LSAMP: variants seen among roughly 807,000 people sequenced by gnomAD.
LSAMP encodes the protein limbic system-associated membrane protein.
LSAMP carries 7 observed loss-of-function variants against 38.6 expected under a neutral mutation model. That is an observed-to-expected ratio of 0.18 (90% CI 0.10 to 0.34). The LOEUF is 0.34. LSAMP is among the 10% of genes least tolerant of loss of function. LSAMP has a pLI of 1.00. For synonymous variants in LSAMP, 154 were observed against 166.8 expected (o/e 0.92, Z 0.59); for missense variants, 313 against 420.0 (o/e 0.75, Z 2.23).
At chr3:116,073,993 G>T (rs905602262) in intron 2 of LSAMP, among the ~76,000 whole-genome samples, 6 of 152,170 alleles carry the variant, frequency 3.9e-5, no homozygotes, top group African/African-American at 1.2e-4. Context: ...GAATGCCATA[G>T]CTCTCACCAC....
chr3:116,371,095 C>T (rs1224183483), intron 1 of LSAMP, among the ~76,000 whole-genome samples: 6 of 152,144 alleles, frequency 3.9e-5, no homozygotes, highest in Admixed American at 3.9e-4. Context: ...AGCCCAGTAA[C>T]TGATGGCTTC....
intron 2 of LSAMP, among the ~76,000 whole-genome samples, chr3:116,036,373 A>T (rs1273564922): frequency 6.6e-6 from 1 of 152,158 alleles, no homozygotes; most frequent in Non-Finnish European, 1.5e-5. Context: ...CTGACGAGTT[A>T]TAGCCTCCTG....
At chr3:116,225,085 A>G (rs529859359) in intron 1 of LSAMP, among the ~76,000 whole-genome samples, 1 of 152,326 alleles carries the variant, frequency 6.6e-6, no homozygotes, top group African/African-American at 2.4e-5. Context: ...AAATTTGAAT[A>G]TGGACAATGT....
chr3:116,043,158 A>T (rs1941212366), intron 2 of LSAMP, among the ~76,000 whole-genome samples: 1 of 152,196 alleles, frequency 6.6e-6, no homozygotes, highest in Non-Finnish European at 1.5e-5. Flanking sequence ...CTTAATTAAA[A>T]ATTGATGGTT....
intron 1 of LSAMP, among the ~76,000 whole-genome samples, chr3:116,252,934 G>A (rs1250538605): frequency 1.3e-5 from 2 of 152,292 alleles, no homozygotes; most frequent in Admixed American, 6.5e-5. Flanking sequence ...AACCTATTTG[G>A]TTTACAATAA....
intron 6 of LSAMP, among the ~76,000 whole-genome samples, chr3:115,822,198 T>C (rs1191973220): frequency 6.6e-6 from 1 of 152,182 alleles, no homozygotes; most frequent in Non-Finnish European, 1.5e-5. Flanking sequence ...AACCTCAATG[T>C]CAAATATTTC....
At chr3:116,250,002 G>T (rs1026212693) in intron 1 of LSAMP, among the ~76,000 whole-genome samples, 2 of 151,996 alleles carry the variant, frequency 1.3e-5, no homozygotes, top group Non-Finnish European at 2.9e-5. Context: ...ATTAACAAAG[G>T]TTCGTAGATC....
chr3:116,038,923 C>G (rs906827599), intron 2 of LSAMP, among the ~76,000 whole-genome samples: 3 of 152,150 alleles, frequency 2.0e-5, no homozygotes, highest in African/African-American at 7.2e-5. Context: ...CTTAAGGCAG[C>G]ATTAGAATAC....
intron 1 of LSAMP, among the ~76,000 whole-genome samples, chr3:116,087,569 C>A (rs1394649481): frequency 6.6e-6 from 1 of 152,176 alleles, no homozygotes; most frequent in African/African-American, 2.4e-5. Flanking sequence ...TTCACAGCTG[C>A]AAAGCCAGCT....
chr3:116,225,948 T>A (rs1242723718), intron 1 of LSAMP, among the ~76,000 whole-genome samples: 1 of 152,202 alleles, frequency 6.6e-6, no homozygotes, highest in Non-Finnish European at 1.5e-5. Context: ...CCTCTACACC[T>A]TGTATTGGCT....
intron 1 of LSAMP, among the ~76,000 whole-genome samples, chr3:116,358,008 ATC>A (rs1012386955): frequency 1.3e-5 from 2 of 152,010 alleles, no homozygotes; most frequent in Admixed American, 6.6e-5. Context: ...CTCATGAAGA[ATC>A]TCTTTGGGTT....
chr3:116,169,803 G>A (rs147723151), intron 1 of LSAMP, among the ~76,000 whole-genome samples: 1 of 152,052 alleles, frequency 6.6e-6, no homozygotes, highest in African/African-American at 2.4e-5. Context: ...GACTTTTCTC[G>A]CCACTCATGC....
intron 2 of LSAMP, among the ~76,000 whole-genome samples, chr3:116,024,887 T>C (rs1327410816): frequency 6.6e-6 from 1 of 151,676 alleles, no homozygotes; most frequent in Non-Finnish European, 1.5e-5. Context: ...ACATAGCTAA[T>C]GAATAATACA....
Position 116,177,360 on chromosome 3 carries a change from T to C in LSAMP, c.156-90804A>G, listed in dbSNP as rs144042409. Reference sequence around the variant, plus strand: ...AGTCAAAATCAAACAAGAGACATCTTGCTGTGGTGGAAGTTAATAGGAATC... The same window carrying C: ...AGTCAAAATCAAACAAGAGACATCTCGCTGTGGTGGAAGTTAATAGGAATC... On this transcript the variant is annotated intron_variant, in intron 1 of 6. Coordinates refer to ENST00000490035, the MANE Select transcript of LSAMP (RefSeq NM_002338.5). Among the ~76,000 whole-genome samples the C allele has an allele frequency of 3.4e-3, 521 of 152,218 alleles. 3 individuals are homozygous for C. Among genetic ancestry groups the C allele is most frequent in the African/African-American group, 0.012 (490 of 41,538 alleles).
intron 1 of LSAMP, among the ~76,000 whole-genome samples, chr3:116,257,218 C>T (rs2046763649): frequency 6.6e-6 from 1 of 152,180 alleles, no homozygotes; most frequent in Non-Finnish European, 1.5e-5. Flanking sequence ...ATTTTACTGA[C>T]TAATGTAATT....
At chr3:116,374,321 T>C (rs78861862) in intron 1 of LSAMP, among the ~76,000 whole-genome samples, 2,312 of 152,002 alleles carry the variant, frequency 0.015, 55 homozygotes, top group African/African-American at 0.051. Flanking sequence ...AGAGACTTAC[T>C]TTTTGCATGG....
rs1935574332 is a variant in LSAMP, at chr3:115,858,366, A to G, written c.515-5749T>C. 2.0e-5 allele frequency among the ~76,000 whole-genome samples: 3 copies of G among 152,192 alleles called. No homozygotes were observed. In the South Asian group the frequency reaches 6.2e-4, roughly 32 times the overall value. On this transcript the variant is annotated intron_variant, in intron 3 of 6. Coordinates refer to ENST00000490035, the MANE Select transcript of LSAMP (RefSeq NM_002338.5). ...TTTTTTACAGACTATTGCTCTAATAATCATTATAGTACCTGTCTTTCCTTT... is the reference window on the plus strand; with the variant it reads ...TTTTTTACAGACTATTGCTCTAATAGTCATTATAGTACCTGTCTTTCCTTT...
intron 3 of LSAMP, among the ~76,000 whole-genome samples, chr3:115,953,803 C>A (rs953496616): frequency 2.0e-5 from 3 of 152,174 alleles, no homozygotes; most frequent in Non-Finnish European, 4.4e-5. Flanking sequence ...ACCACATTGT[C>A]CAGTTTTCCA....
chr3:116,098,588 A>G (rs1408061182), intron 1 of LSAMP, among the ~76,000 whole-genome samples: 1 of 152,178 alleles, frequency 6.6e-6, no homozygotes, highest in African/African-American at 2.4e-5. Flanking sequence ...TATGACTTCC[A>G]TGTTTGCTTT....
Sources: allele counts gnomAD v4.1 joint callset (sites outside exome capture counted in the v4.1 genomes callset), GRCh38; gene constraint gnomAD v4.1.1; transcripts MANE v1.5; gene names NCBI Gene and HGNC (gene_info 2026-07-23, HGNC 2026-07-21).